Variants in DPH6 observed in about 807,000 individuals in gnomAD.
The protein encoded by DPH6 is diphthine--ammonia ligase.
DPH6 carries 33 observed loss-of-function variants against 38.2 expected under a neutral mutation model. That is an observed-to-expected ratio of 0.86 (90% confidence interval 0.65 to 1.15). The LOEUF is 1.15. Ranked by LOEUF, DPH6 falls within the 50% of genes most tolerant of loss-of-function variation. The probability of loss-of-function intolerance (pLI) is 0.00; values close to 1 mark genes in which losing one functional copy is unlikely to be tolerated. For missense variants in DPH6, 325 were observed against 320.0 expected (o/e 1.02, Z -0.12); for synonymous variants, 108 against 103.0 (o/e 1.05, Z -0.30).
At chr15:35,274,196 C>G (rs1210717522) in intron 3 of DPH6, among the ~76,000 whole-genome samples, 2 of 152,130 alleles carry the variant, frequency 1.3e-5, no homozygotes, top group Admixed American at 6.5e-5. Flanking sequence ...AACTGGCTAG[C>G]CAGATGCAGA....
intron 5 of DPH6, among the ~76,000 whole-genome samples, chr15:35,436,533 G>C (rs2053717176): frequency 1.6e-5 from 1 of 61,996 alleles, no homozygotes; most frequent in Admixed American, 1.7e-4. Flanking sequence ...TTCTCTCCCT[G>C]TTCGTCACTG....
intron 3 of DPH6, among the ~76,000 whole-genome samples, chr15:35,241,359 C>T (rs1267212259): frequency 7.0e-6 from 1 of 142,910 alleles, no homozygotes; most frequent in Non-Finnish European, 1.5e-5. Flanking sequence ...ACGGAGGCTA[C>T]CCACTCCACA....
intron 3 of DPH6, among the ~76,000 whole-genome samples, chr15:35,344,342 T>TATA (rs2052445302): frequency 1.3e-5 from 2 of 151,972 alleles, no homozygotes; most frequent in Admixed American, 1.3e-4. Context: ...ACCCTTAGTT[T>TATA]ATAATTAGGC....
intron 7 of DPH6, among the ~76,000 whole-genome samples, chr15:35,379,387 C>T (rs886652169): frequency 6.6e-6 from 1 of 152,108 alleles, no homozygotes; most frequent in African/African-American, 2.4e-5. Flanking sequence ...TAGTGGCAGA[C>T]AATTATTACA....
intron 7 of DPH6, among the ~76,000 whole-genome samples, chr15:35,374,366 T>C (rs1248535863): frequency 6.6e-6 from 1 of 152,162 alleles, no homozygotes; most frequent in East Asian, 1.9e-4. Context: ...GAAGTACTTC[T>C]ATTGTTTATA....
At chr15:35,309,927 T>C (rs1245281257) in intron 3 of DPH6, among the ~76,000 whole-genome samples, 2 of 152,238 alleles carry the variant, frequency 1.3e-5, no homozygotes, top group South Asian at 4.1e-4. Flanking sequence ...TCCTCCTGTG[T>C]GCATTTTTTG....
intron 3 of DPH6, among the ~76,000 whole-genome samples, chr15:35,280,177 C>A (rs141218191): frequency 2.9e-3 from 449 of 152,308 alleles, no homozygotes; most frequent in African/African-American, 0.01. Flanking sequence ...TCTTTCCTAT[C>A]ATTATTATTC....
At chr15:35,297,942 T>C (rs1395212222) in intron 3 of DPH6, among the ~76,000 whole-genome samples, 2 of 152,210 alleles carry the variant, frequency 1.3e-5, no homozygotes, top group Non-Finnish European at 2.9e-5. Flanking sequence ...TCACCAATCA[T>C]CAGCAACCTC....
chr15:35,216,667 T>C (rs1400845430), downstream of DPH6, among the ~76,000 whole-genome samples: 1 of 152,234 alleles, frequency 6.6e-6, no homozygotes, highest in African/African-American at 2.4e-5. Flanking sequence ...TGCTGAGCAC[T>C]GAACTCTTTG....
rs74731131 is a variant in DPH6, at chr15:35,543,313, A to G, written c.24-806T>C. Among the ~76,000 whole-genome samples, 540 of 135,854 alleles carry G rather than the reference A, an allele frequency of 4.0e-3. 4 individuals are homozygous for G. Among genetic ancestry groups the G allele is most frequent in the East Asian group, 0.027 (123 of 4,520 alleles). The allele number at this position is 135,854 out of a possible 152,430, so 89.1% of individuals were successfully genotyped here. ...ATATATATATATATATGATGGCAGC[A>G]GAACTAGGCTTGAGCTATAAATGTA... On this transcript the variant is annotated intron_variant, in intron 1 of 8. Transcript: ENST00000256538.
chr15:35,145,712 T>C, the DPH6 span, among the ~76,000 whole-genome samples: 1 of 152,150 alleles, frequency 6.6e-6, no homozygotes, highest in African/African-American at 2.4e-5. Flanking sequence ...CACACAGAGA[T>C]GAAAACAGCT....
intron 3 of DPH6, among the ~76,000 whole-genome samples, chr15:35,472,414 G>A (rs2054209672): frequency 6.6e-6 from 1 of 152,140 alleles, no homozygotes; most frequent in Admixed American, 6.5e-5. Flanking sequence ...GTCAGCAACA[G>A]CAATGACTCT....
intron 3 of DPH6, among the ~76,000 whole-genome samples, chr15:35,346,284 T>C (rs1288801791): frequency 6.6e-6 from 1 of 152,054 alleles, no homozygotes; most frequent in African/African-American, 2.4e-5. Context: ...GTAAGTGAAG[T>C]CATCTACTCT....
chr15:35,522,203 C>T lies in DPH6; in HGVS notation c.312+16071G>A, dbSNP rs201440920. 116 of 1,613,264 alleles carry T rather than the reference C, an allele frequency of 7.2e-5. No individual in the cohort carries two copies. In the East Asian group the frequency reaches 2.4e-3, roughly 33 times the overall value. ...GTCCTGTAAACAATCGCCTGGCTGC[C>T]CACTTTCAAATGCATGTGAAAATCT... On this transcript the variant is annotated intron_variant, in intron 3 of 8. Transcript: ENST00000256538.
intron 3 of DPH6, among the ~76,000 whole-genome samples, chr15:35,249,581 T>C (rs1015443087): frequency 6.6e-5 from 10 of 152,172 alleles, no homozygotes; most frequent in Admixed American, 3.9e-4. Context: ...CCACAGTCTT[T>C]ATATTGAGAG....
chr15:35,483,101 A>C (rs2054348522), intron 3 of DPH6, among the ~76,000 whole-genome samples: 1 of 152,164 alleles, frequency 6.6e-6, no homozygotes, highest in South Asian at 2.1e-4. Flanking sequence ...CCACCAAAAA[A>C]TACAGATGAA....
chr15:35,234,455 A>G (rs2051538498), intron 3 of DPH6, among the ~76,000 whole-genome samples: 1 of 152,234 alleles, frequency 6.6e-6, no homozygotes, highest in Admixed American at 6.5e-5. Context: ...AAACATTACC[A>G]TGTCTACAGC....
At chr15:35,390,839 A>G (rs1480641746) in intron 6 of DPH6, among the ~76,000 whole-genome samples, 1 of 151,774 alleles carries the variant, frequency 6.6e-6, no homozygotes, top group East Asian at 1.9e-4. Flanking sequence ...TCCTCTCTCA[A>G]CTCGTCAAAG....
At chr15:35,445,447 A>G (rs2053839747) in intron 5 of DPH6, among the ~76,000 whole-genome samples, 1 of 151,666 alleles carries the variant, frequency 6.6e-6, no homozygotes, top group Non-Finnish European at 1.5e-5. Context: ...ACCCTTGAAC[A>G]TCATGAATAT....
Sources: allele counts gnomAD v4.1 joint callset (sites outside exome capture counted in the v4.1 genomes callset), GRCh38; gene constraint gnomAD v4.1.1; transcripts MANE v1.5; gene names NCBI Gene and HGNC (gene_info 2026-07-23, HGNC 2026-07-21).